The following GBE1 variants were observed in gnomAD, a reference collection of about 807,000 sequenced individuals.
The protein encoded by GBE1 is 1,4-alpha-glucan-branching enzyme.
A neutral mutation model predicts 88.8 loss-of-function variants in GBE1; 70 were observed. That is an observed-to-expected ratio of 0.79 (90% CI 0.65 to 0.96). GBE1 has a LOEUF of 0.96. Among genes scored for constraint, GBE1 ranks in the 40% least tolerant of loss-of-function variants. The pLI is 0.00. For missense variants in GBE1, 872 were observed against 871.0 expected, an observed-to-expected ratio of 1.00 and a Z score of -0.01; for synonymous variants, 284 against 300.1, an observed-to-expected ratio of 0.95 and a Z score of 0.56.
intron 12 of GBE1, among the ~76,000 whole-genome samples, chr3:81,573,565 T>G (rs1442095329): frequency 6.6e-6 from 1 of 152,244 alleles, no homozygotes; most frequent in East Asian, 1.9e-4. Flanking sequence ...AAGAACTATT[T>G]TTCATCTCTG....
At chr3:81,649,057 T>C (rs1704809225) in intron 4 of GBE1, 66 bp from the exon 5 acceptor site, 4 of 1,102,494 alleles carry the variant, frequency 3.6e-6, no homozygotes, top group East Asian at 2.8e-5. Context: ...CCTGATCAAG[T>C]ATATTTTTAA....
intron 3 of GBE1, chr3:81,650,272 T>C (rs1450239290): frequency 5.4e-6 from 1 of 183,508 alleles, no homozygotes; most frequent in East Asian, 1.8e-4. Context: ...TGGGAGAAAA[T>C]CATCCTACTC....
chr3:81,648,572 G>C (rs1433884924), intron 5 of GBE1, among the ~76,000 whole-genome samples: 4 of 151,922 alleles, frequency 2.6e-5, no homozygotes, highest in Non-Finnish European at 5.9e-5. Flanking sequence ...CAGTAAAAAA[G>C]TAATTATGCT....
chr3:81,525,889 A>AT (rs1403067245), intron 14 of GBE1, among the ~76,000 whole-genome samples: 3 of 151,788 alleles, frequency 2.0e-5, no homozygotes, highest in South Asian at 2.1e-4. Flanking sequence ...CCCCTTTATC[A>AT]TTTTTTATTG....
chr3:81,582,839 C>G (rs1163798735), intron 10 of GBE1, among the ~76,000 whole-genome samples: 1 of 151,774 alleles, frequency 6.6e-6, no homozygotes, highest in South Asian at 2.1e-4. Flanking sequence ...AAACTTGATA[C>G]CAAAAGAGAG....
At position 81,750,675 on chromosome 3, in the gene GBE1, G is replaced by GTATA. The variant is rs1187869776; in HGVS notation, c.143+10696_143+10699dup. Among the ~76,000 whole-genome samples the GTATA allele has an allele frequency of 1.4e-3, 76 of 55,012 alleles. 3 individuals are homozygous for GTATA. The highest frequency in any genetic ancestry group is 8.0e-3 in the African/African-American group (64 of 7,982). 36.1% of individuals were successfully genotyped at this position (55,012 alleles called of 152,430 possible). A position where few individuals can be genotyped will look rare whatever the true frequency, so the allele number is the denominator to read the frequency against. On this transcript the variant is annotated intron_variant, in intron 1 of 15. Transcript: ENST00000429644. ...TATATATATGTATATATATATATAC[G>GTATA]TATATATATATATATATATGTATTT...
At chr3:81,732,496 AT>A (rs1325624969) in intron 1 of GBE1, among the ~76,000 whole-genome samples, 3 of 152,138 alleles carry the variant, frequency 2.0e-5, no homozygotes, top group Admixed American at 6.6e-5. Context: ...GGTCACTTAA[AT>A]TTTTTCCTAT....
At chr3:81,528,611 A>C (rs1345795610) in intron 14 of GBE1, among the ~76,000 whole-genome samples, 1 of 151,940 alleles carries the variant, frequency 6.6e-6, no homozygotes, top group Non-Finnish European at 1.5e-5. Context: ...ATTGAGGTGT[A>C]TCTCTCTCTT....
intron 3 of GBE1, among the ~76,000 whole-genome samples, chr3:81,664,646 G>C (rs2107103652): frequency 6.6e-6 from 1 of 152,256 alleles, no homozygotes; most frequent in African/African-American, 2.4e-5. Context: ...CAAATGGAAA[G>C]AGGTGCTGCT....
At chr3:81,737,687 T>C (rs144147201) in intron 1 of GBE1, among the ~76,000 whole-genome samples, 1,772 of 151,934 alleles carry the variant, frequency 0.012, 11 homozygotes, top group Middle Eastern at 0.02. Context: ...TTCTAGTAAC[T>C]CATTTTTGTT....
chr3:81,700,839 T>C (rs910924366), intron 2 of GBE1, among the ~76,000 whole-genome samples: 4 of 152,160 alleles, frequency 2.6e-5, no homozygotes, highest in Non-Finnish European at 4.4e-5. Flanking sequence ...TTTCAGTCTA[T>C]CAGTGATAGA....
At chr3:81,509,667 G>C (rs756733816) in intron 14 of GBE1, 3 of 151,518 alleles carry the variant, frequency 2.0e-5, no homozygotes, top group African/African-American at 4.8e-5. Flanking sequence ...TCCTCCTTGG[G>C]TTTTAATTTT....
intron 12 of GBE1, among the ~76,000 whole-genome samples, chr3:81,574,077 C>T (rs1181928597): frequency 3.9e-5 from 6 of 152,120 alleles, no homozygotes; most frequent in Admixed American, 6.5e-5. Flanking sequence ...AGACTTAATG[C>T]AGAAATGGCT....
At chr3:81,518,839 C>A (rs1407484001) in intron 14 of GBE1, among the ~76,000 whole-genome samples, 2 of 151,392 alleles carry the variant, frequency 1.3e-5, no homozygotes, top group African/African-American at 4.8e-5. Flanking sequence ...TGCAGCATAA[C>A]ATAAAGGAAA....
At chr3:81,758,614 A>G (rs1270562858) in intron 1 of GBE1, among the ~76,000 whole-genome samples, 1 of 152,262 alleles carries the variant, frequency 6.6e-6, no homozygotes, top group Non-Finnish European at 1.5e-5. Context: ...AGATTTTGGA[A>G]TTATAACAAC....
chr3:81,724,302 G>T (rs193291634), intron 1 of GBE1, among the ~76,000 whole-genome samples: 1 of 152,074 alleles, frequency 6.6e-6, no homozygotes, highest in East Asian at 1.9e-4. Context: ...ATTAAAGGTC[G>T]TATTTACAAG....
chr3:81,520,269 T>C (rs6794343), intron 14 of GBE1, among the ~76,000 whole-genome samples: 99,678 of 151,366 alleles, frequency 0.66, 34,790 homozygotes, highest in East Asian at 0.92. Context: ...GCCATTTTTC[T>C]AACAGTATAT....
intron 1 of GBE1, among the ~76,000 whole-genome samples, chr3:81,711,302 AT>A (rs1559695756): frequency 6.6e-6 from 1 of 152,212 alleles, no homozygotes; most frequent in Non-Finnish European, 1.5e-5. Flanking sequence ...GGAGGCTTGG[AT>A]TAGAAGCAAG....
chr3:81,554,471 T>C (rs1434301863), intron 12 of GBE1, among the ~76,000 whole-genome samples: 2 of 152,138 alleles, frequency 1.3e-5, no homozygotes, highest in Admixed American at 1.3e-4. Flanking sequence ...CTCAAAAGTT[T>C]AGTAGTGAAG....
Sources: allele counts gnomAD v4.1 joint callset (sites outside exome capture counted in the v4.1 genomes callset), GRCh38; gene constraint gnomAD v4.1.1; transcripts MANE v1.5; gene names NCBI Gene and HGNC (gene_info 2026-07-23, HGNC 2026-07-21).